NBEA: variants seen among roughly 807,000 people sequenced by gnomAD.
The protein encoded by NBEA is lysosomal-trafficking regulator 2.
In NBEA, 44 loss-of-function variants were observed where a neutral mutation model predicts 343.4. The ratio of observed to expected loss-of-function variants is 0.13; its 90% CI spans 0.10 to 0.16. The LOEUF is 0.16. Among genes scored for constraint, NBEA ranks in the 10% least tolerant of loss-of-function variants. The pLI, the probability that NBEA is intolerant of heterozygous loss-of-function variation, is 1.00. For missense variants in NBEA, 2,555 were observed against 3,631.3 expected (o/e 0.70, Z 7.62); for synonymous variants, 1,175 against 1,238.7 (o/e 0.95, Z 1.08).
At chr13:35,224,307 T>C (rs536135047) in intron 33 of NBEA, among the ~76,000 whole-genome samples, 1 of 152,328 alleles carries the variant, frequency 6.6e-6, no homozygotes, top group African/African-American at 2.4e-5. Flanking sequence ...GATTATGGTT[T>C]AGGTATCTTT....
intron 45 of NBEA, among the ~76,000 whole-genome samples, chr13:35,573,367 C>T (rs2080540099): frequency 6.6e-6 from 1 of 152,168 alleles, no homozygotes; most frequent in South Asian, 2.1e-4. Context: ...TCATTGTTTA[C>T]CCAGTGACAT....
intron 38 of NBEA, among the ~76,000 whole-genome samples, chr13:35,366,750 A>G (rs978022358): frequency 6.6e-6 from 1 of 151,302 alleles, no homozygotes; most frequent in African/African-American, 2.4e-5. Context: ...AATAATTAAC[A>G]CATCACACTA....
intron 8 of NBEA, among the ~76,000 whole-genome samples, chr13:35,068,852 A>G (rs1732769605): frequency 6.6e-6 from 1 of 152,178 alleles, no homozygotes; most frequent in Non-Finnish European, 1.5e-5. Context: ...TGAACAGTTG[A>G]CTTGAGCTGA....
chr13:35,234,162 C>G (rs1274048388), intron 34 of NBEA, among the ~76,000 whole-genome samples: 1 of 152,044 alleles, frequency 6.6e-6, no homozygotes, highest in Admixed American at 6.6e-5. Context: ...TTGGCTTTAA[C>G]TAGTGTGTTG....
chr13:35,063,994 A>G (rs530806357), intron 8 of NBEA, among the ~76,000 whole-genome samples: 1 of 152,136 alleles, frequency 6.6e-6, no homozygotes, highest in Admixed American at 6.6e-5. Flanking sequence ...GGGGAGGACT[A>G]TAAAGAAATA....
intron 38 of NBEA, among the ~76,000 whole-genome samples, chr13:35,430,980 C>A (rs2045070137): frequency 6.6e-6 from 1 of 151,200 alleles, no homozygotes; most frequent in Non-Finnish European, 1.5e-5. Context: ...TTTTATATGC[C>A]CTTTATACTA....
chr13:35,030,993 C>T (rs1018747214), intron 1 of NBEA, among the ~76,000 whole-genome samples: 1 of 151,620 alleles, frequency 6.6e-6, no homozygotes, highest in South Asian at 2.1e-4. Context: ...CTGCTATTTA[C>T]ATATGTAATT....
chr13:35,367,596 T>G (rs1014515648), intron 38 of NBEA, among the ~76,000 whole-genome samples: 2 of 151,244 alleles, frequency 1.3e-5, no homozygotes, highest in African/African-American at 4.8e-5. Context: ...ATTACCATTA[T>G]TCAGTAAGTA....
chr13:35,291,345 T>C (rs116854115), intron 35 of NBEA, among the ~76,000 whole-genome samples: 2,381 of 151,998 alleles, frequency 0.016, 27 homozygotes, highest in Middle Eastern at 0.034. Flanking sequence ...TTTCAAGTGA[T>C]CCTCTAAAAC....
intron 45 of NBEA, among the ~76,000 whole-genome samples, chr13:35,570,010 TTTTGTTTGTTTG>T (rs373116287): frequency 6.6e-6 from 1 of 151,942 alleles, no homozygotes. Context: ...CATTTCAAGG[TTTTGTTTGTTTG>T]TTTGTTTGTT....
At chr13:35,020,302 G>A (rs763224405) in intron 1 of NBEA, among the ~76,000 whole-genome samples, 46 of 151,960 alleles carry the variant, frequency 3.0e-4, no homozygotes, top group Non-Finnish European at 5.0e-4. Flanking sequence ...TTATTATTCT[G>A]ATGTATAGTT....
chr13:35,131,328 G>C (rs1450288963), intron 17 of NBEA, among the ~76,000 whole-genome samples: 1 of 152,058 alleles, frequency 6.6e-6, no homozygotes, highest in Admixed American at 6.6e-5. Flanking sequence ...CTATGAACAT[G>C]AGTCTATCAG....
chr13:35,177,966 A>G (rs907810556), intron 28 of NBEA, among the ~76,000 whole-genome samples: 1 of 151,770 alleles, frequency 6.6e-6, no homozygotes, highest in African/African-American at 2.4e-5. Context: ...TAGAAAAATC[A>G]TCACTCTGTT....
Position 35,148,709 on chromosome 13 carries a change from T to G in NBEA, c.2445+6332T>G, listed in dbSNP as rs73167777. On this transcript the variant is annotated intron_variant, in intron 18 of 58. Coordinates refer to ENST00000379939, the MANE Select transcript of NBEA (RefSeq NM_001385012.1). ...AGCTTTTTGCACTTATAATTACAAA[T>G]ATATTTATCACAAAATATTTATCTA... 5.7e-3 allele frequency among the ~76,000 whole-genome samples: 862 copies of G among 152,312 alleles called. 1 individual carries two copies. Among genetic ancestry groups the G allele is most frequent in the Non-Finnish European group, 9.0e-3 (611 of 68,016 alleles).
chr13:35,225,036 T>C lies in NBEA; in HGVS notation c.5649-7456T>C, dbSNP rs530693289. Among the ~76,000 whole-genome samples the C allele has an allele frequency of 2.0e-5, 3 of 152,264 alleles. No individual in the cohort carries two copies. In the South Asian group the frequency reaches 6.2e-4, roughly 32 times the overall value. On this transcript the variant is annotated intron_variant, in intron 33 of 58. Coordinates refer to ENST00000379939, the MANE Select transcript of NBEA (RefSeq NM_001385012.1). ...CTTTGTGTTTAGTTAGGTGCTAGTT[T>C]TTCAGAGTGTCTTACTCACTATTTC...
intron 1 of NBEA, among the ~76,000 whole-genome samples, chr13:35,018,964 T>C (rs1019729118): frequency 2.6e-5 from 4 of 152,106 alleles, no homozygotes; most frequent in Non-Finnish European, 4.4e-5. Context: ...TATTTTTGAA[T>C]TTTGCAAATG....
At chr13:35,556,320 G>T (rs1410288) in intron 44 of NBEA, among the ~76,000 whole-genome samples, 139,117 of 152,084 alleles carry the variant, frequency 0.91, 64,025 homozygotes, top group East Asian at 1. Context: ...GTAGCAGAAA[G>T]AACACAACTT....
At chr13:35,392,056 T>A (rs2042526566) in intron 38 of NBEA, among the ~76,000 whole-genome samples, 1 of 152,068 alleles carries the variant, frequency 6.6e-6, no homozygotes, top group African/African-American at 2.4e-5. Context: ...GTAGAAGGTA[T>A]CACAAGCACG....
intron 48 of NBEA, among the ~76,000 whole-genome samples, chr13:35,610,007 C>T (rs1047389901): frequency 2.0e-5 from 3 of 152,154 alleles, no homozygotes; most frequent in South Asian, 4.1e-4. Flanking sequence ...ACATAGGAAA[C>T]AGTGGACTAA....
Sources: allele counts gnomAD v4.1 joint callset (sites outside exome capture counted in the v4.1 genomes callset), GRCh38; gene constraint gnomAD v4.1.1; transcripts MANE v1.5; gene names NCBI Gene and HGNC (gene_info 2026-07-23, HGNC 2026-07-21).